The following TMIE variants were observed in gnomAD, a reference collection of about 807,000 sequenced individuals.
TMIE encodes transmembrane inner ear expressed protein.
Under a neutral mutation model 16.8 loss-of-function variants are expected in TMIE, and 14 were observed. The ratio of observed to expected loss-of-function variants is 0.83; its 90% CI spans 0.55 to 1.30. The LOEUF (loss-of-function observed/expected upper bound fraction) is 1.30, where lower values mean the gene tolerates loss of function less well. TMIE is among the 50% of genes most tolerant of loss of function. The pLI, the probability that TMIE is intolerant of heterozygous loss-of-function variation, is 0.00. For synonymous variants in TMIE, 75 were observed against 87.2 expected, an observed-to-expected ratio of 0.86 and a Z score of 0.78; for missense variants, 204 against 205.9, an observed-to-expected ratio of 0.99 and a Z score of 0.06.
Position 46,701,586 on chromosome 3 carries a change from G to T in TMIE, c.93+6G>T. On this transcript the variant is annotated splice_donor_region_variant and intron_variant, in intron 1 of 3. Coordinates refer to ENST00000643606, the MANE Select transcript of TMIE (RefSeq NM_147196.3). The surrounding 1 kb of genome is among the most constrained non-coding windows in gnomAD (Gnocchi z 4.3). The stretch of plus-strand genomic sequence containing the variant: ...TTGCCGGGCAGCTGGTGGAGGTGAG[G>T]CCGCGGCACGGAGGGACTGGGGAGG... The T allele has an allele frequency of 7.8e-7, 1 of 1,285,046 alleles. No homozygotes were observed. Among genetic ancestry groups the T allele is most frequent in the South Asian group, 2.7e-5 (1 of 37,428 alleles). The allele number at this position is 1,285,046 out of a possible 1,614,324, so 79.6% of individuals were successfully genotyped here.
rs1700589276 is a variant in TMIE, at chr3:46,709,150, A to G, written c.236A>G (p.Asn79Ser). The G allele has an allele frequency of 5.0e-6, 8 of 1,614,116 alleles. No homozygotes were observed. Among genetic ancestry groups the G allele is most frequent in the Non-Finnish European group, 6.8e-6 (8 of 1,180,042 alleles). The change falls in exon 3 of 4, where the codon AAC (asparagine) becomes AGC (serine). Residue 79 changes from asparagine to serine, a missense_variant. Asn to Ser is a conservative substitution (Grantham distance 46, BLOSUM62 1). Transcript: ENST00000643606. ...SIIITLCCVF[N>S]CRVPRTRKEI... ...GTCATCACGCTGTGCTGTGTCTTCAACTGTCGTGTGCCACGGACCCGGAAG... is the reference window on the plus strand; with the variant it reads ...GTCATCACGCTGTGCTGTGTCTTCAGCTGTCGTGTGCCACGGACCCGGAAG...
Position 46,705,873 on chromosome 3 carries a change from G to A in TMIE, c.177G>A (p.Val59=). The A allele has an allele frequency of 6.2e-7, 1 of 1,614,112 alleles. No homozygotes were observed. The highest frequency in any genetic ancestry group is 1.1e-5 in the South Asian group (1 of 91,084). ...TCTGGGACATGCGCCTGTGGCACGT[G>A]GTGGGCATCTTTTCGCTCTTCGTGT... ...VVFWDMRLWH[V]VGIFSLFVLS... is the part of the protein sequence containing the mutation. The change falls in exon 2 of 4, where the codon GTG becomes GTA. Residue 59 remains valine (V), a synonymous_variant. Coordinates refer to ENST00000643606, the MANE Select transcript of TMIE (RefSeq NM_147196.3).
At chr3:46,708,463 C>T (rs987847335) in intron 2 of TMIE, among the ~76,000 whole-genome samples, 1 of 152,256 alleles carries the variant, frequency 6.6e-6, no homozygotes, top group African/African-American at 2.4e-5. Flanking sequence ...CCTGGCAGCC[C>T]TAACCTGCCC....
At chr3:46,696,705 C>G (rs779320986), upstream of TMIE, among the ~76,000 whole-genome samples, 4 of 152,206 alleles carry the variant, frequency 2.6e-5, no homozygotes, top group Non-Finnish European at 4.4e-5. Context: ...GCCACTACCC[C>G]CTGCCTTGCT....
intron 2 of TMIE, among the ~76,000 whole-genome samples, chr3:46,708,019 C>T (rs1575470128): frequency 6.6e-6 from 1 of 152,324 alleles, no homozygotes; most frequent in South Asian, 2.1e-4. Flanking sequence ...AGCTGGGGCC[C>T]TTGTGCAGCA....
intron 1 of TMIE, among the ~76,000 whole-genome samples, chr3:46,703,801 T>G (rs1339053523): frequency 6.6e-6 from 1 of 152,134 alleles, no homozygotes; most frequent in East Asian, 1.9e-4. Flanking sequence ...TCATGACAGA[T>G]GCCTAATCCA....
chr3:46,709,663 C>T lies in TMIE; in HGVS notation c.446C>T (p.Ala149Val). 1 of 1,613,878 alleles carries T rather than the reference C, an allele frequency of 6.2e-7. No individual in the cohort carries two copies. Among genetic ancestry groups the T allele is most frequent in the Admixed American group, 1.7e-5 (1 of 60,006 alleles). Residue 149 changes from alanine (A) to valine (V), a missense_variant, in exon 4 of 4, where the codon GCC becomes GTC. Physicochemically the swap from Ala to Val is moderately conservative, Grantham distance 64. Transcript: ENST00000643606. ...GTAGAGGAGGATGAGAAGAATGAGG[C>T]CAAGAAGAAGAAAGGAGAGAAATGA... ...IKVEEDEKNE[A>V]KKKKGEK
intron 2 of TMIE, among the ~76,000 whole-genome samples, chr3:46,707,889 A>G (rs1700572235): frequency 6.6e-6 from 1 of 152,220 alleles, no homozygotes; most frequent in Non-Finnish European, 1.5e-5. Flanking sequence ...CGGGAGGGTT[A>G]GGATTGGGTA....
upstream of TMIE, chr3:46,701,344 A>T: frequency 1.7e-6 from 1 of 596,926 alleles, no homozygotes; most frequent in Non-Finnish European, 2.7e-6. This position sits in a 1 kb window ranked among gnomAD's most constrained non-coding sequence, Gnocchi z 4.3. Context: ...GCGGCGCGGG[A>T]ACCTGACACC....
rs1559497525 is a variant in TMIE, at chr3:46,710,142, G to C, written c.*454G>C. The C allele has an allele frequency of 3.8e-6, 1 of 260,566 alleles. No homozygotes were observed. Among genetic ancestry groups the C allele is most frequent in the Non-Finnish European group, 7.6e-6 (1 of 131,898 alleles). 16.1% of individuals were successfully genotyped at this position (260,566 alleles called of 1,614,324 possible). A position where few individuals can be genotyped will look rare whatever the true frequency, so the allele number is the denominator to read the frequency against. ...AGAGTAGCCATGAGGAGGCAGAGAGGGTCACTGGGGGACACTGTGGCAGCA... is the reference window on the plus strand; with the variant it reads ...AGAGTAGCCATGAGGAGGCAGAGAGCGTCACTGGGGGACACTGTGGCAGCA... On this transcript the variant is annotated 3_prime_UTR_variant, in exon 4 of 4. Transcript: ENST00000643606.
In TMIE at chr3:46,701,551, C is replaced by A; in HGVS notation, c.64C>A (p.Leu22Ile). ...GGGCGGCGCCGCACTCGGGGTGTGC[C>A]TCGCGGGGGTTGCCGGGCAGCTGGT... ...VLGGAALGVCLAGVAGQLVEP... is the reference protein window; with the variant it reads ...VLGGAALGVCIAGVAGQLVEP... Residue 22 changes from leucine (L) to isoleucine (I), a missense_variant, in exon 1 of 4, where the codon CTC becomes ATC. Leu to Ile is a conservative substitution (Grantham distance 5, BLOSUM62 2). Coordinates refer to ENST00000643606, the MANE Select transcript of TMIE (RefSeq NM_147196.3). The surrounding 1 kb of genome is among the most constrained non-coding windows in gnomAD (Gnocchi z 4.3). 1 of 1,289,182 alleles carries A rather than the reference C, an allele frequency of 7.8e-7. No individual in the cohort carries two copies. Among genetic ancestry groups the A allele is most frequent in the Non-Finnish European group, 9.8e-7 (1 of 1,021,078 alleles). The allele number at this position is 1,289,182 out of a possible 1,614,324, so 79.9% of individuals were successfully genotyped here. A position where few individuals can be genotyped will look rare whatever the true frequency, so the allele number is the denominator to read the frequency against.
upstream of TMIE, among the ~76,000 whole-genome samples, chr3:46,701,076 T>G (rs1559495225): frequency 6.6e-6 from 1 of 150,882 alleles, no homozygotes; most frequent in African/African-American, 2.4e-5. This position sits in a 1 kb window ranked among gnomAD's most constrained non-coding sequence, Gnocchi z 4.3. Context: ...AAATCCAGCA[T>G]GACAGAATGG....
upstream of TMIE, among the ~76,000 whole-genome samples, chr3:46,697,504 C>T (rs1006778965): frequency 6.6e-6 from 1 of 152,120 alleles, no homozygotes; most frequent in Non-Finnish European, 1.5e-5. Flanking sequence ...ATACCCCTTC[C>T]TCCATATCTC....
At chr3:46,698,118 A>G (rs1199033053), upstream of TMIE, among the ~76,000 whole-genome samples, 2 of 151,916 alleles carry the variant, frequency 1.3e-5, no homozygotes, top group Non-Finnish European at 2.9e-5. Flanking sequence ...CAGTGGCGCC[A>G]TCTCAGCTCA....
At chr3:46,698,921 A>T (rs898413541), upstream of TMIE, among the ~76,000 whole-genome samples, 1 of 151,794 alleles carries the variant, frequency 6.6e-6, no homozygotes, top group Non-Finnish European at 1.5e-5. Flanking sequence ...GGTCTCAAGC[A>T]TTCCTCCCAC....
At chr3:46,704,643 G>T (rs1559496087) in intron 1 of TMIE, among the ~76,000 whole-genome samples, 1 of 144,690 alleles carries the variant, frequency 6.9e-6, no homozygotes, top group Non-Finnish European at 1.5e-5. Flanking sequence ...GGTGGACCAT[G>T]TCCCCTAGAC....
chr3:46,710,053 C>T lies in TMIE; in HGVS notation c.*365C>T, dbSNP rs1700602180. 5.6e-6 allele frequency: 2 copies of T among 359,224 alleles called. No individual in the cohort carries two copies. Among genetic ancestry groups the T allele is most frequent in the Non-Finnish European group, 1.1e-5 (2 of 184,922 alleles). The allele number at this position is 359,224 out of a possible 1,614,324, so 22.3% of individuals were successfully genotyped here. A position where few individuals can be genotyped will look rare whatever the true frequency, so the allele number is the denominator to read the frequency against. On this transcript the variant is annotated 3_prime_UTR_variant, in exon 4 of 4. Coordinates refer to ENST00000643606, the MANE Select transcript of TMIE (RefSeq NM_147196.3). ...GAAGGAGTAATGGGATATGGGGTTACTTCAGCCACCCTTTCTGGCACGAAA... is the reference window on the plus strand; with the variant it reads ...GAAGGAGTAATGGGATATGGGGTTATTTCAGCCACCCTTTCTGGCACGAAA...
upstream of TMIE, among the ~76,000 whole-genome samples, chr3:46,700,513 A>G (rs1700457189): frequency 6.6e-6 from 1 of 151,990 alleles, no homozygotes; most frequent in Admixed American, 6.6e-5. Context: ...TTCTCCTAAC[A>G]CTCAGCAGCA....
In TMIE at chr3:46,709,932, G is replaced by A. The variant is rs1310364618; in HGVS notation, c.*244G>A. On this transcript the variant is annotated 3_prime_UTR_variant, in exon 4 of 4. Transcript: ENST00000643606. ...TCCACATGGGTACTGTCTCGGCAGA[G>A]GTGGTCTGGTGCCACCGTCCCTCTG... is the stretch of plus-strand genomic sequence containing the variant. 1.5e-6 allele frequency: 1 copy of A among 663,940 alleles called. No individual in the cohort carries two copies. The highest frequency in any genetic ancestry group is 1.8e-5 in the African/African-American group (1 of 54,374). The allele number at this position is 663,940 out of a possible 1,614,324, so 41.1% of individuals were successfully genotyped here.
Sources: gnomAD v4.1 joint callset for allele counts (sites outside exome capture counted in the v4.1 genomes callset) on GRCh38, gnomAD v4.1.1 for gene constraint, Gnocchi (gnomAD v3.1) non-coding constraint, MANE v1.5 for transcripts, NCBI Gene and HGNC (gene_info 2026-07-23, HGNC 2026-07-21) for gene names.